The following GALNT13 variants were observed in gnomAD, a reference collection of about 807,000 sequenced individuals.
GALNT13 encodes polypeptide N-acetylgalactosaminyltransferase 13.
Under a neutral mutation model 64.2 loss-of-function variants are expected in GALNT13, and 28 were observed. The observed-to-expected ratio is 0.44, with a 90% CI of 0.32 to 0.60. The LOEUF (loss-of-function observed/expected upper bound fraction) is 0.60. Ranked by LOEUF, GALNT13 falls within the 20% of genes least tolerant of loss-of-function variation. GALNT13 has a pLI of 0.05. For missense variants in GALNT13, 577 were observed against 669.8 expected (o/e 0.86, Z 1.53); for synonymous variants, 214 against 224.6 (o/e 0.95, Z 0.42).
At chr2:154,004,277 C>T (rs1696107867) in intron 3 of GALNT13, among the ~76,000 whole-genome samples, 1 of 151,952 alleles carries the variant, frequency 6.6e-6, no homozygotes, top group South Asian at 2.1e-4. Flanking sequence ...GTGATCTCAG[C>T]TCACTGCAAC....
chr2:153,710,046 T>G, the GALNT13 span, among the ~76,000 whole-genome samples: 5 of 152,052 alleles, frequency 3.3e-5, no homozygotes, highest in Non-Finnish European at 2.9e-5. Context: ...AATAATTTCT[T>G]TCTTAGATCT....
chr2:153,478,906 A>C, the GALNT13 span: 1 of 305,862 alleles, frequency 3.3e-6, no homozygotes, highest in Non-Finnish European at 6.0e-6. Context: ...TGCGCTGAGC[A>C]AACAGCGGCC....
chr2:154,387,591 G>C (rs1325216746), intron 9 of GALNT13, among the ~76,000 whole-genome samples: 1 of 152,098 alleles, frequency 6.6e-6, no homozygotes, highest in African/African-American at 2.4e-5. Flanking sequence ...CCTCATGCCT[G>C]TAGCCTGTGG....
the GALNT13 span, among the ~76,000 whole-genome samples, chr2:153,519,298 C>T: frequency 6.6e-6 from 1 of 152,168 alleles, no homozygotes; most frequent in South Asian, 2.1e-4. Context: ...ATCAATCCTG[C>T]AGGTCTAACA....
chr2:153,887,568 A>G (rs1687268627), intron 1 of GALNT13, among the ~76,000 whole-genome samples: 2 of 151,866 alleles, frequency 1.3e-5, no homozygotes, highest in African/African-American at 2.4e-5. Context: ...AGGTGCATTC[A>G]TTTCATGATA....
chr2:154,260,131 C>G (rs111356338), intron 8 of GALNT13, among the ~76,000 whole-genome samples: 2,387 of 152,084 alleles, frequency 0.016, 63 homozygotes, highest in African/African-American at 0.054. Context: ...AGCAATCCAC[C>G]CCCCTCTGCC....
At chr2:154,394,830 G>A (rs539935976) in intron 9 of GALNT13, among the ~76,000 whole-genome samples, 6 of 152,290 alleles carry the variant, frequency 3.9e-5, no homozygotes, top group Admixed American at 3.3e-4. Context: ...GGAAGGAAAT[G>A]GTTTGGCTGC....
chr2:153,410,719 A>C, the GALNT13 span, among the ~76,000 whole-genome samples: 1 of 152,170 alleles, frequency 6.6e-6, no homozygotes, highest in Non-Finnish European at 1.5e-5. Context: ...TTAAAATTCT[A>C]GATAGCTTGA....
chr2:153,396,956 T>C, the GALNT13 span, among the ~76,000 whole-genome samples: 1 of 152,150 alleles, frequency 6.6e-6, no homozygotes, highest in Non-Finnish European at 1.5e-5. Flanking sequence ...CAAGGACATG[T>C]GTGGGGTCTG....
the GALNT13 span, among the ~76,000 whole-genome samples, chr2:153,588,860 T>C: frequency 6.6e-6 from 1 of 152,202 alleles, no homozygotes; most frequent in Non-Finnish European, 1.5e-5. Flanking sequence ...CTTGAATGAT[T>C]TGCTGCTTAG....
the GALNT13 span, among the ~76,000 whole-genome samples, chr2:153,122,671 T>C: frequency 6.6e-6 from 1 of 152,272 alleles, no homozygotes; most frequent in South Asian, 2.1e-4. Context: ...GCCACTTTCA[T>C]AGAGCACGCC....
At chr2:153,354,657 G>C in the GALNT13 span, among the ~76,000 whole-genome samples, 1 of 152,202 alleles carries the variant, frequency 6.6e-6, no homozygotes, top group Non-Finnish European at 1.5e-5. Flanking sequence ...CAGACACAGA[G>C]CTTGTTTACC....
At chr2:153,637,984 T>C in the GALNT13 span, among the ~76,000 whole-genome samples, 1 of 151,988 alleles carries the variant, frequency 6.6e-6, no homozygotes, top group Non-Finnish European at 1.5e-5. Context: ...GGGATTAAGG[T>C]GAGACGTGGA....
chr2:153,423,643 C>A, the GALNT13 span, among the ~76,000 whole-genome samples: 1 of 151,662 alleles, frequency 6.6e-6, no homozygotes. Context: ...TATATACAAA[C>A]AGCAAACAAA....
At chr2:154,148,572 T>A (rs1683769384) in intron 4 of GALNT13, among the ~76,000 whole-genome samples, 3 of 152,004 alleles carry the variant, frequency 2.0e-5, no homozygotes, top group South Asian at 2.1e-4. Flanking sequence ...TTTCTCCACA[T>A]CCTCTCCAGC....
At chr2:153,697,165 T>C in the GALNT13 span, among the ~76,000 whole-genome samples, 1 of 152,192 alleles carries the variant, frequency 6.6e-6, no homozygotes, top group South Asian at 2.1e-4. Flanking sequence ...AATACCACAG[T>C]GGCTGTGTTG....
chr2:154,098,796 C>T (rs915797228), intron 3 of GALNT13, among the ~76,000 whole-genome samples: 5 of 152,018 alleles, frequency 3.3e-5, no homozygotes, highest in Admixed American at 1.3e-4. Flanking sequence ...GGTATATATA[C>T]CACATTTTCT....
chr2:153,184,199 C>T, the GALNT13 span, among the ~76,000 whole-genome samples: 1 of 152,004 alleles, frequency 6.6e-6, no homozygotes, highest in South Asian at 2.1e-4. Context: ...CCATTGTTAG[C>T]TGTATTCCTA....
the GALNT13 span, among the ~76,000 whole-genome samples, chr2:153,833,660 A>T: frequency 6.6e-6 from 1 of 152,168 alleles, no homozygotes; most frequent in Admixed American, 6.6e-5. Flanking sequence ...CAATGTTCTT[A>T]GGCATGCACT....
Sources: allele counts gnomAD v4.1 joint callset (sites outside exome capture counted in the v4.1 genomes callset), GRCh38; gene constraint gnomAD v4.1.1; transcripts MANE v1.5; gene names NCBI Gene and HGNC (gene_info 2026-07-23, HGNC 2026-07-21).